Variants in LMAN2 observed in about 807,000 individuals in gnomAD.
LMAN2 encodes lectin, mannose binding 2.
Under a neutral mutation model 39.3 loss-of-function variants are expected in LMAN2, and 22 were observed. That is an observed-to-expected ratio of 0.56 (90% confidence interval 0.40 to 0.80). The LOEUF (loss-of-function observed/expected upper bound fraction) is 0.80. Among genes scored for constraint, LMAN2 ranks in the 30% least tolerant of loss-of-function variants. The pLI, the probability that LMAN2 is intolerant of heterozygous loss-of-function variation, is 0.00. For missense variants in LMAN2, 494 were observed against 505.4 expected, an observed-to-expected ratio of 0.98 and a Z score of 0.22; for synonymous variants, 207 against 207.8, an observed-to-expected ratio of 1.00 and a Z score of 0.03.
In LMAN2 at chr5:177,331,989, G is replaced by T; in HGVS notation, c.*97C>A. The T allele has an allele frequency of 7.9e-7, 1 of 1,268,264 alleles. No homozygotes were observed. The highest frequency in any genetic ancestry group is 1.1e-6 in the Non-Finnish European group (1 of 926,718). 78.6% of individuals were successfully genotyped at this position (1,268,264 alleles called of 1,614,324 possible). On this transcript the variant is annotated 3_prime_UTR_variant, in exon 8 of 8. Coordinates refer to ENST00000303127, the MANE Select transcript of LMAN2 (RefSeq NM_006816.3). ...TTAATCATTTATTTGAAACAGTTAA[G>T]AAATAAGGTCATCTTGTTGTTCTTT... is the stretch of plus-strand genomic sequence containing the variant.
intron 2 of LMAN2, among the ~76,000 whole-genome samples, chr5:177,348,746 T>C (rs1291598143): frequency 1.4e-5 from 2 of 144,378 alleles, no homozygotes; most frequent in Non-Finnish European, 3.0e-5. Flanking sequence ...TAGCTGGGCG[T>C]GGTGGTGCAC....
intron 2 of LMAN2, among the ~76,000 whole-genome samples, chr5:177,344,935 AAGAAG>A (rs368307169): frequency 6.6e-6 from 1 of 151,782 alleles, no homozygotes; most frequent in Non-Finnish European, 1.5e-5. Flanking sequence ...AAAGAAGAGA[AAGAAG>A]AGAAGAGAAA....
At chr5:177,343,570 C>CAG (rs1761589339) in intron 2 of LMAN2, among the ~76,000 whole-genome samples, 1 of 152,004 alleles carries the variant, frequency 6.6e-6, no homozygotes, top group Non-Finnish European at 1.5e-5. Flanking sequence ...TCTAGACACA[C>CAG]ACACACACAC....
chr5:177,343,124 A>G (rs1379359261), intron 2 of LMAN2, among the ~76,000 whole-genome samples: 3 of 151,956 alleles, frequency 2.0e-5, no homozygotes, highest in African/African-American at 7.3e-5. Flanking sequence ...GCATGGTGGC[A>G]GGCACCTGTA....
intron 6 of LMAN2, among the ~76,000 whole-genome samples, chr5:177,336,698 G>A (rs1761478001): frequency 6.6e-6 from 1 of 152,226 alleles, no homozygotes; most frequent in African/African-American, 2.4e-5. Context: ...CTCAGCTGTG[G>A]GCACAAGGGC....
intron 2 of LMAN2, among the ~76,000 whole-genome samples, chr5:177,344,830 C>T (rs1276824316): frequency 1.3e-5 from 2 of 149,974 alleles, no homozygotes; most frequent in South Asian, 2.1e-4. Flanking sequence ...CACTTGAACC[C>T]GGGAGGCAGA....
intron 2 of LMAN2, among the ~76,000 whole-genome samples, chr5:177,341,112 G>A (rs1761548370): frequency 7.1e-6 from 1 of 140,668 alleles, no homozygotes; most frequent in Non-Finnish European, 1.5e-5. Flanking sequence ...TGTTGCCCAG[G>A]CTGGAGTGCA....
intron 2 of LMAN2, among the ~76,000 whole-genome samples, chr5:177,343,358 C>T (rs1047732360): frequency 6.6e-6 from 1 of 152,118 alleles, no homozygotes; most frequent in Non-Finnish European, 1.5e-5. Flanking sequence ...TACAGAAAAC[C>T]GTTTGGTAGT....
Position 177,338,696 on chromosome 5 carries a change from C to T in LMAN2, c.316-91G>A, listed in dbSNP as rs1358326560. The T allele has an allele frequency of 5.1e-6, 5 of 978,886 alleles. No individual in the cohort carries two copies. In the African/African-American group the frequency reaches 8.0e-5, roughly 16 times the overall value. The allele number at this position is 978,886 out of a possible 1,614,324, so 60.6% of individuals were successfully genotyped here. On this transcript the variant is annotated intron_variant, in intron 2 of 7. Coordinates refer to ENST00000303127, the MANE Select transcript of LMAN2 (RefSeq NM_006816.3). The stretch of plus-strand genomic sequence containing the variant: ...CCAGCACGGCCCCTGCCCCACAGAC[C>T]TCTCTTCTCTCCCCAGCTAAGACTG...
At chr5:177,333,764 C>A (rs1467713722) in intron 7 of LMAN2, among the ~76,000 whole-genome samples, 1 of 152,246 alleles carries the variant, frequency 6.6e-6, no homozygotes, top group Non-Finnish European at 1.5e-5. Context: ...ATGGGAAGAA[C>A]CCAGGCTTCG....
chr5:177,344,228 A>G (rs1761601506), intron 2 of LMAN2, among the ~76,000 whole-genome samples: 1 of 151,522 alleles, frequency 6.6e-6, no homozygotes. Context: ...TCTCTAAAAA[A>G]AAAAAAATTT....
intron 6 of LMAN2, 59 bp from the exon 7 acceptor site, chr5:177,334,462 C>T: frequency 1.3e-6 from 2 of 1,555,900 alleles, no homozygotes; most frequent in Non-Finnish European, 1.7e-6. Flanking sequence ...GCACGTGGCC[C>T]AAGACCCTCC....
rs879027918 is a variant in LMAN2, at chr5:177,337,627, T to A, written c.513+79A>T. 21 of 1,601,878 alleles carry A rather than the reference T, an allele frequency of 1.3e-5. No homozygotes were observed. The highest frequency in any genetic ancestry group is 1.8e-5 in the Non-Finnish European group (21 of 1,171,988). On this transcript the variant is annotated intron_variant, in intron 4 of 7. Coordinates refer to ENST00000303127, the MANE Select transcript of LMAN2 (RefSeq NM_006816.3). The surrounding 1 kb of genome is among the most constrained non-coding windows in gnomAD (Gnocchi z 8.2). ...GGAGGCTCCTCTTGTGCTGGGACCA[T>A]GGAAGTCCCAGGGCCCCCTCCTCTA...
At chr5:177,336,317 G>A (rs976540723) in intron 6 of LMAN2, among the ~76,000 whole-genome samples, 25 of 152,198 alleles carry the variant, frequency 1.6e-4, no homozygotes, top group African/African-American at 5.8e-4. Flanking sequence ...AGTGAGCAGG[G>A]AGCCAGAGGT....
chr5:177,332,511 G>A lies in LMAN2; in HGVS notation c.911-265C>T, dbSNP rs1761404399. 6.6e-6 allele frequency among the ~76,000 whole-genome samples: 1 copy of A among 152,176 alleles called. No individual in the cohort carries two copies. On this transcript the variant is annotated intron_variant, in intron 7 of 7. Coordinates refer to ENST00000303127, the MANE Select transcript of LMAN2 (RefSeq NM_006816.3). This position sits in a 1 kb window ranked among gnomAD's most constrained non-coding sequence, Gnocchi z 6.3. ...CAAGCCTGGGCTGCCTTCTGCTGCA[G>A]GAAGCCAGTTAAAACCAGACTCCTG...
chr5:177,345,699 C>CA (rs1228045186), intron 2 of LMAN2, among the ~76,000 whole-genome samples: 2 of 152,012 alleles, frequency 1.3e-5, no homozygotes, highest in Non-Finnish European at 2.9e-5. Flanking sequence ...GGCTGAGGAA[C>CA]AAGTTGGTCA....
rs2127315317 is a variant in LMAN2, at chr5:177,337,639, G to A, written c.513+67C>T. 3 of 1,603,378 alleles carry A rather than the reference G, an allele frequency of 1.9e-6. No individual in the cohort carries two copies. The highest frequency in any genetic ancestry group is 2.6e-6 in the Non-Finnish European group (3 of 1,173,154). On this transcript the variant is annotated intron_variant, in intron 4 of 7. Coordinates refer to ENST00000303127, the MANE Select transcript of LMAN2 (RefSeq NM_006816.3). The surrounding 1 kb of genome is among the most constrained non-coding windows in gnomAD (Gnocchi z 8.2). Reference sequence around the variant, plus strand: ...TGTGCTGGGACCATGGAAGTCCCAGGGCCCCCTCCTCTAGCCGACTGCCCA... The same window carrying A: ...TGTGCTGGGACCATGGAAGTCCCAGAGCCCCCTCCTCTAGCCGACTGCCCA...
Position 177,332,285 on chromosome 5 carries a change from G to A in LMAN2, c.911-39C>T, listed in dbSNP as rs373222577. 118 of 1,595,620 alleles carry A rather than the reference G, an allele frequency of 7.4e-5. No individual in the cohort carries two copies. Among genetic ancestry groups the A allele is most frequent in the African/African-American group, 4.7e-4 (35 of 74,826 alleles). On this transcript the variant is annotated intron_variant, in intron 7 of 7. Coordinates refer to ENST00000303127, the MANE Select transcript of LMAN2 (RefSeq NM_006816.3). The surrounding 1 kb of genome is among the most constrained non-coding windows in gnomAD (Gnocchi z 6.3). ...AACGGGGGAGCTGAAACGGCAGCAC[G>A]GGCCGGGGATCAGGGGGCTGCAGGA...
At chr5:177,350,035 T>C (rs1359250972) in intron 2 of LMAN2, among the ~76,000 whole-genome samples, 43 of 152,328 alleles carry the variant, frequency 2.8e-4, no homozygotes, top group Admixed American at 2.7e-3. Context: ...GGCCAGATTG[T>C]GCAGACATAA....
Sources: allele counts gnomAD v4.1 joint callset (sites outside exome capture counted in the v4.1 genomes callset), GRCh38; gene constraint gnomAD v4.1.1; non-coding constraint Gnocchi (gnomAD v3.1); transcripts MANE v1.5; gene names NCBI Gene and HGNC (gene_info 2026-07-23, HGNC 2026-07-21).